FREM3: variants seen among roughly 807,000 people sequenced by gnomAD.
FREM3 encodes the protein FRAS1-related extracellular matrix protein 3.
In FREM3, 105 loss-of-function variants were observed where a neutral mutation model predicts 129.1. The observed-to-expected ratio is 0.81, with a 90% CI of 0.69 to 0.96. The LOEUF (loss-of-function observed/expected upper bound fraction) is 0.96. FREM3 is among the 40% of genes least tolerant of loss of function. FREM3 has a pLI of 0.00. For missense variants in FREM3, 2,593 were observed against 2,666.3 expected, an observed-to-expected ratio of 0.97 and a Z score of 0.61; for synonymous variants, 1,014 against 1,044.9, an observed-to-expected ratio of 0.97 and a Z score of 0.57.
intron 2 of FREM3, among the ~76,000 whole-genome samples, chr4:143,672,115 C>A (rs1307884732): frequency 6.6e-6 from 1 of 152,166 alleles, no homozygotes; most frequent in Non-Finnish European, 1.5e-5. Context: ...AGCAGTGTAT[C>A]TTCAGGCAGT....
chr4:143,607,547 G>A (rs943571997), intron 6 of FREM3, among the ~76,000 whole-genome samples: 8 of 152,070 alleles, frequency 5.3e-5, no homozygotes, highest in Admixed American at 2.6e-4. Flanking sequence ...GTCAGAAGGG[G>A]GAACTCAATG....
chr4:143,675,526 G>T (rs1055480400), intron 2 of FREM3, among the ~76,000 whole-genome samples: 24 of 152,106 alleles, frequency 1.6e-4, no homozygotes, highest in Non-Finnish European at 2.9e-4. Context: ...CAGAAGGCAA[G>T]AAATAACTAA....
chr4:143,594,354 T>A (rs6834652), intron 6 of FREM3, among the ~76,000 whole-genome samples: 107,778 of 152,058 alleles, frequency 0.71, 40,225 homozygotes, highest in Non-Finnish European at 0.83. Flanking sequence ...CTGTTCCTAT[T>A]TGGCCATCTT....
At position 143,697,660 on chromosome 4, in the gene FREM3, G is replaced by A. The variant is rs1358614510; in HGVS notation, c.3016C>T (p.Arg1006Ter). ...TILVNGLPTE[R>*]FTQEDLINGR... is the part of the protein sequence containing the mutation. ...TTGATGAGATCCTCTTGGGTGAATC[G>A]TTCTGTGGGCAAACCATTTACCAGA... The change falls in exon 1 of 8, where the codon CGA becomes TGA. Residue 1006 changes from arginine (R) to a stop codon, truncating the protein, a stop_gained. Transcript: ENST00000329798. LOFTEE classifies it high-confidence loss of function. The A allele has an allele frequency of 1.4e-5, 21 of 1,537,732 alleles. No individual in the cohort carries two copies. The highest frequency in any genetic ancestry group is 2.4e-5 in the South Asian group (2 of 84,062).
chr4:143,583,080 G>A (rs1578819568), intron 7 of FREM3, among the ~76,000 whole-genome samples: 1 of 151,698 alleles, frequency 6.6e-6, no homozygotes, highest in African/African-American at 2.4e-5. Flanking sequence ...ATGGGGTTTT[G>A]CCATGTTGCC....
At chr4:143,656,573 G>A (rs532093770) in intron 2 of FREM3, among the ~76,000 whole-genome samples, 65 of 152,240 alleles carry the variant, frequency 4.3e-4, no homozygotes, top group African/African-American at 1.5e-3. Flanking sequence ...ACTACATATG[G>A]CAAGATTCTA....
chr4:143,586,181 T>C (rs1259450324), intron 6 of FREM3, among the ~76,000 whole-genome samples, 188 bp from the exon 7 acceptor site: 1 of 152,130 alleles, frequency 6.6e-6, no homozygotes. Context: ...CAGAGTCACA[T>C]ACCATGACTT....
rs1187600178 is a variant in FREM3, at chr4:143,699,783, C to T, written c.893G>A (p.Gly298Asp). 26 of 1,534,964 alleles carry T rather than the reference C, an allele frequency of 1.7e-5. No homozygotes were observed. Among genetic ancestry groups the T allele is most frequent in the Admixed American group, 3.9e-5 (2 of 50,790 alleles). ...EHFQLLVRIRGGAENTPPRPS... is the reference protein window; with the variant it reads ...EHFQLLVRIRDGAENTPPRPS... ...CCTGGGCGGTGTGTTCTCGGCTCCG[C>T]CGCGGATCCTCACGAGCAGCTGGAA... Residue 298 changes from glycine (G) to aspartate (D), a missense_variant, in exon 1 of 8, where the codon GGC becomes GAC. By Grantham distance (94) the Gly-to-Asp change is moderately conservative (BLOSUM62 -1). This residue lies in a region of FREM3 where 2,276 missense variants were observed against 2,267.2 expected (regional missense o/e 1.00). Coordinates refer to ENST00000329798, the MANE Select transcript of FREM3 (RefSeq NM_001168235.2). The surrounding 1 kb of genome is among the most constrained non-coding windows in gnomAD (Gnocchi z 4.2).
rs1398181714 is a variant in FREM3, at chr4:143,697,335, G to T, written c.3341C>A (p.Ala1114Asp). The T allele has an allele frequency of 2.6e-6, 4 of 1,537,002 alleles. No individual in the cohort carries two copies. Among genetic ancestry groups the T allele is most frequent in the Non-Finnish European group, 3.5e-6 (4 of 1,146,786 alleles). Reference protein sequence around the residue: ...ELLCTVTSQPASGYLEKIASA... With the variant: ...ELLCTVTSQPDSGYLEKIASA... ...TGCAATCTTTTCCAGGTAGCCAGAGGCTGGCTGACTAGTCACTGTGCAGAG... is the reference window on the plus strand; with the variant it reads ...TGCAATCTTTTCCAGGTAGCCAGAGTCTGGCTGACTAGTCACTGTGCAGAG... Residue 1114 changes from alanine to aspartate, a missense_variant, in exon 1 of 8, where the codon GCC becomes GAC. By Grantham distance (126) the Ala-to-Asp change is moderately radical. Transcript: ENST00000329798.
chr4:143,682,264 A>G (rs1303824797), intron 2 of FREM3, among the ~76,000 whole-genome samples: 1 of 152,202 alleles, frequency 6.6e-6, no homozygotes, highest in Non-Finnish European at 1.5e-5. Flanking sequence ...CCTAAGTAAC[A>G]AAAGGACCAG....
intron 6 of FREM3, among the ~76,000 whole-genome samples, chr4:143,596,721 G>A (rs1459777259): frequency 3.9e-5 from 6 of 152,166 alleles, no homozygotes; most frequent in African/African-American, 1.4e-4. Flanking sequence ...GATCACTTGA[G>A]ACCAGGAGTT....
chr4:143,587,325 C>T lies in FREM3; in HGVS notation c.6029-1332G>A, dbSNP rs183664412. Among the ~76,000 whole-genome samples, 15 of 152,252 alleles carry T rather than the reference C, an allele frequency of 9.9e-5. No homozygotes were observed. In the East Asian group the frequency reaches 2.3e-3, roughly 23 times the overall value. On this transcript the variant is annotated intron_variant, in intron 6 of 7. Transcript: ENST00000329798. ...AATAATCATTCTTCACTCTGTGCTT[C>T]CCTAACATTTCAAATAGTTCTATAA... is the stretch of plus-strand genomic sequence containing the variant.
rs1252370562 is a variant in FREM3, at chr4:143,696,733, G to A, written c.3943C>T (p.Leu1315=). The A allele has an allele frequency of 6.5e-7, 1 of 1,537,816 alleles. No homozygotes were observed. The highest frequency in any genetic ancestry group is 2.0e-5 in the Admixed American group (1 of 50,990). The change falls in exon 1 of 8, where the codon CTG becomes TTG. Residue 1315 remains leucine (L), a synonymous_variant. Coordinates refer to ENST00000329798, the MANE Select transcript of FREM3 (RefSeq NM_001168235.2). ...TCAGAGTGTCCTTTCTCTACCTTCA[G>A]CCCATTGTTGACAGTCAGGTGAGGA... ...ETPHLTVNNG[L]KVEKGHSEII...
chr4:143,627,512 CAGTTCTTTATTCTCT>C, intron 3 of FREM3, 87 bp downstream of exon 3: 4 of 1,040,992 alleles, frequency 3.8e-6, no homozygotes, highest in Admixed American at 2.3e-5. Context: ...TTCTCCAAAC[CAGTTCTTTATTCTCT>C]TTCAGTATAC....
chr4:143,595,703 C>T lies in FREM3; in HGVS notation c.6029-9710G>A, dbSNP rs188556663. On this transcript the variant is annotated intron_variant, in intron 6 of 7. Coordinates refer to ENST00000329798, the MANE Select transcript of FREM3 (RefSeq NM_001168235.2). ...CAGATCAAGACCATCCTGGCTAACA[C>T]GGTGAAACCCCGTCTCTACTAAAAA... is the stretch of plus-strand genomic sequence containing the variant. Among the ~76,000 whole-genome samples the T allele has an allele frequency of 1.7e-3, 262 of 152,032 alleles. 3 individuals carry two copies. Among genetic ancestry groups the T allele is most frequent in the South Asian group, 1.5e-3 (7 of 4,796 alleles).
intron 7 of FREM3, among the ~76,000 whole-genome samples, chr4:143,582,898 CTTTTTT>C (rs35360267): frequency 2.8e-4 from 41 of 147,790 alleles, no homozygotes; most frequent in Non-Finnish European, 4.9e-4. Flanking sequence ...AATTAATTTA[CTTTTTT>C]TTTTTTGAGA....
Position 143,695,550 on chromosome 4 carries a change from T to C in FREM3, c.5126A>G (p.Glu1709Gly), listed in dbSNP as rs1740549273. 6.5e-7 allele frequency: 1 copy of C among 1,537,422 alleles called. No homozygotes were observed. The highest frequency in any genetic ancestry group is 2.0e-5 in the Admixed American group (1 of 51,006). ...GCCAGTTTTGATAATGAAGCCATGC[T>C]CTGGTCCTCTGGTCACTTTATACTT... ...LLKYKVTRGP[E>G]HGFIIKTGLG... Residue 1709 changes from glutamate (E) to glycine (G), a missense_variant, in exon 1 of 8, where the codon GAG becomes GGG. By Grantham distance (98) the Glu-to-Gly change is moderately conservative (BLOSUM62 -2). Coordinates refer to ENST00000329798, the MANE Select transcript of FREM3 (RefSeq NM_001168235.2).
chr4:143,584,739 A>G (rs540578748), intron 7 of FREM3, among the ~76,000 whole-genome samples: 1 of 152,314 alleles, frequency 6.6e-6, no homozygotes, highest in South Asian at 2.1e-4. Flanking sequence ...AAAAGTAATG[A>G]AGATATTTGG....
At position 143,698,025 on chromosome 4, in the gene FREM3, A is replaced by G. The variant is rs1740613303; in HGVS notation, c.2651T>C (p.Met884Thr). 6.5e-7 allele frequency: 1 copy of G among 1,537,396 alleles called. No individual in the cohort carries two copies. The highest frequency in any genetic ancestry group is 8.7e-7 in the Non-Finnish European group (1 of 1,146,940). ...TTGCATGAAAGATTCCCCTGGGACC[A>G]TACATCTTTTAAAGTACTGCAAGTG... ...HGHLQYFKRC[M>T]VPGESFMQAD... The change falls in exon 1 of 8, where the codon ATG becomes ACG. Residue 884 changes from methionine (M) to threonine (T), a missense_variant. Physicochemically the swap from Met to Thr is moderately conservative, Grantham distance 81. Coordinates refer to ENST00000329798, the MANE Select transcript of FREM3 (RefSeq NM_001168235.2).
Sources: allele counts gnomAD v4.1 joint callset (sites outside exome capture counted in the v4.1 genomes callset), GRCh38; gene constraint gnomAD v4.1.1; regional missense constraint gnomAD v4.1.1; non-coding constraint Gnocchi (gnomAD v3.1); transcripts MANE v1.5; gene names NCBI Gene and HGNC (gene_info 2026-07-23, HGNC 2026-07-21).